The following AMPH variants were observed in gnomAD, a reference collection of about 807,000 sequenced individuals.
The protein encoded by AMPH is amphiphysin (Stiff-Mann syndrome with breast cancer 128kD autoantigen).
AMPH carries 49 observed loss-of-function variants against 99.1 expected under a neutral mutation model. That is an observed-to-expected ratio of 0.49 (90% CI 0.39 to 0.63). The LOEUF is 0.63. Among genes scored for constraint, AMPH ranks in the 20% least tolerant of loss-of-function variants. The probability of loss-of-function intolerance (pLI) is 0.00; values close to 1 mark genes in which losing one functional copy is unlikely to be tolerated. For synonymous variants in AMPH, 314 were observed against 317.3 expected (o/e 0.99, Z 0.11); for missense variants, 759 against 863.4 (o/e 0.88, Z 1.52).
At chr7:38,445,103 T>TATACACATATATACATGG (rs1562760151) in intron 11 of AMPH, among the ~76,000 whole-genome samples, 83 of 149,872 alleles carry the variant, frequency 5.5e-4, no homozygotes, top group Middle Eastern at 7.1e-3. Flanking sequence ...TACATATATA[T>TATACACATATATACATGG]TAGATAGATA....
intron 1 of AMPH, among the ~76,000 whole-genome samples, chr7:38,604,159 G>C (rs181197410): frequency 1.3e-5 from 2 of 152,362 alleles, no homozygotes; most frequent in African/African-American, 4.8e-5. Flanking sequence ...TGGGGAAGAT[G>C]AGTGGTCCTC....
intron 1 of AMPH, among the ~76,000 whole-genome samples, chr7:38,578,985 T>C (rs1455121810): frequency 2.0e-5 from 3 of 152,194 alleles, no homozygotes; most frequent in South Asian, 2.1e-4. Flanking sequence ...GAAAACTCCA[T>C]TGTACACTTG....
intron 1 of AMPH, among the ~76,000 whole-genome samples, chr7:38,552,521 C>A (rs922170074): frequency 6.6e-6 from 1 of 152,176 alleles, no homozygotes; most frequent in African/African-American, 2.4e-5. Context: ...GCTCTATCAC[C>A]TGGAATAAGT....
intron 2 of AMPH, among the ~76,000 whole-genome samples, chr7:38,516,322 G>C (rs999604746): frequency 6.6e-6 from 1 of 152,204 alleles, no homozygotes; most frequent in Admixed American, 6.5e-5. Flanking sequence ...GCCCTGAGCA[G>C]CCTCGGGACA....
At chr7:38,439,684 CA>C (rs1354449952) in intron 11 of AMPH, among the ~76,000 whole-genome samples, 1 of 152,164 alleles carries the variant, frequency 6.6e-6, no homozygotes, top group African/African-American at 2.4e-5. Context: ...CAGAAATCTA[CA>C]AGGGGTGACT....
Position 38,499,149 on chromosome 7 carries a change from C to T in AMPH, c.205+4501G>A, listed in dbSNP as rs1789040474. ...TTATGATGGCACTCAATGCACGTAT[C>T]TATTAAAATACATATTACTATGCCT... is the stretch of plus-strand genomic sequence containing the variant. On this transcript the variant is annotated intron_variant, in intron 3 of 20. Transcript: ENST00000356264. 3.3e-5 allele frequency among the ~76,000 whole-genome samples: 5 copies of T among 152,290 alleles called. No individual in the cohort carries two copies. In the South Asian group the frequency reaches 1.0e-3, roughly 32 times the overall value.
chr7:38,395,261 C>A (rs1784635913), intron 17 of AMPH, among the ~76,000 whole-genome samples: 1 of 151,924 alleles, frequency 6.6e-6, no homozygotes, highest in Non-Finnish European at 1.5e-5. Flanking sequence ...TCAATGAAAA[C>A]CCTCGAGAAT....
At chr7:38,492,074 C>G (rs562419158) in intron 4 of AMPH, among the ~76,000 whole-genome samples, 15 of 152,360 alleles carry the variant, frequency 9.8e-5, no homozygotes, top group Non-Finnish European at 2.2e-4. Context: ...GGTCTCTTGA[C>G]ACAGTCTGCT....
chr7:38,522,662 G>A (rs547436382), intron 2 of AMPH, among the ~76,000 whole-genome samples: 1 of 152,278 alleles, frequency 6.6e-6, no homozygotes, highest in East Asian at 1.9e-4. Flanking sequence ...AGAGAGCAGG[G>A]GACCCTGGAC....
At chr7:38,479,070 A>AT (rs1397787116) in intron 5 of AMPH, among the ~76,000 whole-genome samples, 2 of 151,974 alleles carry the variant, frequency 1.3e-5, no homozygotes, top group African/African-American at 2.4e-5. Flanking sequence ...ATGGCTGAAA[A>AT]TTTTTTTTAA....
At chr7:38,504,210 T>G (rs572979466) in intron 2 of AMPH, among the ~76,000 whole-genome samples, 1 of 152,238 alleles carries the variant, frequency 6.6e-6, no homozygotes, top group Admixed American at 6.5e-5. Context: ...TTTGGGTATA[T>G]TGAGTTAAAC....
intron 17 of AMPH, among the ~76,000 whole-genome samples, chr7:38,413,713 T>A (rs1165220107): frequency 1.3e-5 from 2 of 152,224 alleles, no homozygotes; most frequent in African/African-American, 4.8e-5. Context: ...AATCCATATG[T>A]ATGTTTCTTG....
chr7:38,452,276 A>T (rs2299947), intron 11 of AMPH, among the ~76,000 whole-genome samples: 24,557 of 152,186 alleles, frequency 0.16, 2,184 homozygotes, highest in East Asian at 0.28. Flanking sequence ...ATTTAAAAAA[A>T]TTAAAATAAA....
chr7:38,387,352 T>A (rs1189380148), intron 20 of AMPH, among the ~76,000 whole-genome samples: 1 of 152,246 alleles, frequency 6.6e-6, no homozygotes, highest in Non-Finnish European at 1.5e-5. Flanking sequence ...TTAAGGCAGC[T>A]ATTATAAATT....
chr7:38,507,175 T>C (rs936147492), intron 2 of AMPH, among the ~76,000 whole-genome samples: 8 of 152,178 alleles, frequency 5.3e-5, no homozygotes, highest in Admixed American at 5.2e-4. Flanking sequence ...ACTGGATTCA[T>C]CTTGTCGAAG....
At chr7:38,482,973 T>C (rs1788347984) in intron 5 of AMPH, among the ~76,000 whole-genome samples, 1 of 152,100 alleles carries the variant, frequency 6.6e-6, no homozygotes, top group African/African-American at 2.4e-5. Flanking sequence ...ACTCGTTGAA[T>C]AGCTCCTTAA....
chr7:38,507,510 T>C (rs1411731426), intron 2 of AMPH, among the ~76,000 whole-genome samples: 1 of 152,240 alleles, frequency 6.6e-6, no homozygotes, highest in East Asian at 1.9e-4. Context: ...GTTTCTCCTG[T>C]ACAAAACTTA....
chr7:38,557,443 C>T (rs1179203257), intron 1 of AMPH, among the ~76,000 whole-genome samples: 1 of 152,204 alleles, frequency 6.6e-6, no homozygotes, highest in East Asian at 1.9e-4. Context: ...TGAGTTCTCA[C>T]AAGTTCTGAT....
intron 17 of AMPH, among the ~76,000 whole-genome samples, chr7:38,407,048 C>CTCTATGTATA (rs1241166935): frequency 3.2e-5 from 1 of 31,258 alleles, no homozygotes; most frequent in Non-Finnish European, 6.1e-5. Flanking sequence ...CTCTCTCTCT[C>CTCTATGTATA]TATATATATA....
Sources: gnomAD v4.1 joint callset for allele counts (sites outside exome capture counted in the v4.1 genomes callset) on GRCh38, gnomAD v4.1.1 for gene constraint, MANE v1.5 for transcripts, NCBI Gene and HGNC (gene_info 2026-07-23, HGNC 2026-07-21) for gene names.